The following CARD10 variants were observed in gnomAD, a reference collection of about 807,000 sequenced individuals.
The protein encoded by CARD10 is caspase recruitment domain-containing protein 10.
A neutral mutation model predicts 114.6 loss-of-function variants in CARD10; 49 were observed. The observed-to-expected ratio is 0.43, with a 90% CI of 0.34 to 0.54. The LOEUF is 0.54. Ranked by LOEUF, CARD10 falls within the 20% of genes least tolerant of loss-of-function variation. The pLI, the probability that CARD10 is intolerant of heterozygous loss-of-function variation, is 0.03. For synonymous variants in CARD10, 602 were observed against 593.2 expected, an observed-to-expected ratio of 1.01 and a Z score of -0.21; for missense variants, 1,206 against 1,397.2, an observed-to-expected ratio of 0.86 and a Z score of 2.18.
intron 2 of CARD10, among the ~76,000 whole-genome samples, chr22:37,517,317 G>A (rs1476480543): frequency 6.6e-6 from 1 of 151,884 alleles, no homozygotes; most frequent in African/African-American, 2.4e-5. Context: ...GCGTGTGTGC[G>A]TGTGTGTATG....
At chr22:37,507,758 T>C (rs1272620308) in intron 6 of CARD10, 71 bp downstream of exon 6, 8 of 1,588,162 alleles carry the variant, frequency 5.0e-6, no homozygotes, top group East Asian at 2.2e-5. Context: ...GTCCCCTCCA[T>C]TGCTCCTTGT....
At position 37,501,673 on chromosome 22, in the gene CARD10, T is replaced by C. The variant is rs1255117012; in HGVS notation, c.1787+929A>G. Among the ~76,000 whole-genome samples, 1 of 152,212 alleles carries C rather than the reference T, an allele frequency of 6.6e-6. No individual in the cohort carries two copies. The highest frequency in any genetic ancestry group is 1.5e-5 in the Non-Finnish European group (1 of 68,036). The stretch of plus-strand genomic sequence containing the variant: ...GTCACTATGAACCCAGACCTGGTAC[T>C]TCCCAACTGTGGGACCCTGGGCAAG... On this transcript the variant is annotated intron_variant, in intron 11 of 19. Coordinates refer to ENST00000251973, the MANE Select transcript of CARD10 (RefSeq NM_014550.4). The surrounding 1 kb of genome is among the most constrained non-coding windows in gnomAD (Gnocchi z 5.4).
At chr22:37,504,134 A>T in intron 9 of CARD10, 52 bp downstream of exon 9, 2 of 1,326,848 alleles carry the variant, frequency 1.5e-6, no homozygotes, top group Non-Finnish European at 2.1e-6. Flanking sequence ...GCTGTTCGGG[A>T]AACGGCAGCC....
chr22:37,510,786 G>A (rs1384752968), intron 3 of CARD10, among the ~76,000 whole-genome samples: 1 of 152,180 alleles, frequency 6.6e-6, no homozygotes, highest in African/African-American at 2.4e-5. Flanking sequence ...GCATCAAGAA[G>A]AAGTGGGGCC....
At chr22:37,495,484 C>A (rs748043565) in intron 15 of CARD10, 33 bp downstream of exon 15, 7 of 1,576,808 alleles carry the variant, frequency 4.4e-6, no homozygotes, top group Non-Finnish European at 5.2e-6. Context: ...ACCCTTGGGG[C>A]CCCCCACCCA....
At position 37,510,331 on chromosome 22, in the gene CARD10, T is replaced by C. The variant is rs1923593569; in HGVS notation, c.790A>G (p.Lys264Glu). The C allele has an allele frequency of 4.7e-6, 7 of 1,473,868 alleles. No homozygotes were observed. Among genetic ancestry groups the C allele is most frequent in the Admixed American group, 1.8e-5 (1 of 56,292 alleles). The allele number at this position is 1,473,868 out of a possible 1,614,324, so 91.3% of individuals were successfully genotyped here. Residue 264 changes from lysine to glutamate, a missense_variant, in exon 4 of 20, where the codon AAG becomes GAG. Physicochemically the swap from Lys to Glu is moderately conservative, Grantham distance 56 (BLOSUM62 1). Coordinates refer to ENST00000251973, the MANE Select transcript of CARD10 (RefSeq NM_014550.4). ...ARGPPPGAEE[K>E]EKEKEKEKEP... The stretch of plus-strand genomic sequence containing the variant: ...TTCTCCTTCTCCTTCTCCTTCTCCT[T>C]CTCCTCTGCCCCAGGGGGCGGGCCC...
chr22:37,496,389 G>T lies in CARD10; in HGVS notation c.2059+60C>A. On this transcript the variant is annotated intron_variant, in intron 13 of 19. Transcript: ENST00000251973. The surrounding 1 kb of genome is among the most constrained non-coding windows in gnomAD (Gnocchi z 4.1). ...GGTCCTTGGTCCCTCCCCACCCCAT[G>T]CACCACGGGTTAGAGGACCCCTCTG... 1 of 1,253,982 alleles carries T rather than the reference G, an allele frequency of 8.0e-7. No individual in the cohort carries two copies. Among genetic ancestry groups the T allele is most frequent in the Non-Finnish European group, 1.1e-6 (1 of 872,664 alleles). 77.7% of individuals were successfully genotyped at this position (1,253,982 alleles called of 1,614,324 possible).
Position 37,495,561 on chromosome 22 carries a change from C to T in CARD10, c.2329G>A (p.Glu777Lys). Residue 777 changes from glutamate (E) to lysine (K), a missense_variant, in exon 15 of 20, where the codon GAG (glutamate) becomes AAG (lysine). Transcript: ENST00000251973. Reference sequence around the variant, plus strand: ...TGCCGGCTGGAGGGCAGGCATTTCTCCTGAACTTCTAGGAGCTGCTGGGCT... The same window carrying T: ...TGCCGGCTGGAGGGCAGGCATTTCTTCTGAACTTCTAGGAGCTGCTGGGCT... ...QRAQQLLEVQ[E>K]KCLPSSRHRG... 6.2e-7 allele frequency: 1 copy of T among 1,613,512 alleles called. No individual in the cohort carries two copies. Among genetic ancestry groups the T allele is most frequent in the South Asian group, 1.1e-5 (1 of 90,878 alleles).
In CARD10 at chr22:37,496,020, C is replaced by T; in HGVS notation, c.2060-17G>A. 2 of 1,611,620 alleles carry T rather than the reference C, an allele frequency of 1.2e-6. No homozygotes were observed. Among genetic ancestry groups the T allele is most frequent in the South Asian group, 1.1e-5 (1 of 91,016 alleles). On this transcript the variant is annotated splice_polypyrimidine_tract_variant and intron_variant, in intron 13 of 19. Transcript: ENST00000251973. This position sits in a 1 kb window ranked among gnomAD's most constrained non-coding sequence, Gnocchi z 4.1. The stretch of plus-strand genomic sequence containing the variant: ...ACTGGCAGGCTGGGCATGGATGGGG[C>T]AGGGGGCAGCAAGGAGGACAAGAGG...
intron 2 of CARD10, among the ~76,000 whole-genome samples, chr22:37,516,619 TA>T (rs1177656620): frequency 6.6e-6 from 1 of 152,100 alleles, no homozygotes; most frequent in Non-Finnish European, 1.5e-5. Context: ...TACAAATCAA[TA>T]AGATCAACAA....
At chr22:37,509,170 T>C in intron 4 of CARD10, 1 of 1,442,514 alleles carries the variant, frequency 6.9e-7, no homozygotes, top group South Asian at 1.5e-5. Context: ...TGAAACACAC[T>C]GGCTCTCATC....
At position 37,492,232 on chromosome 22, in the gene CARD10, C is replaced by T. The variant is rs56372216; in HGVS notation, c.2751+203G>A. On this transcript the variant is annotated intron_variant, in intron 18 of 19. Coordinates refer to ENST00000251973, the MANE Select transcript of CARD10 (RefSeq NM_014550.4). This position sits in a 1 kb window ranked among gnomAD's most constrained non-coding sequence, Gnocchi z 5.7. The stretch of plus-strand genomic sequence containing the variant: ...TCAGCCAAACACCTCAAGGGGGGCC[C>T]ACATGCAGTCAACTGCCCCCACCCA... Among the ~76,000 whole-genome samples the T allele has an allele frequency of 0.079, 11,954 of 152,154 alleles. 555 individuals carry two copies. The highest frequency in any genetic ancestry group is 0.13 in the African/African-American group (5,496 of 41,540).
rs1922764226 is a variant in CARD10, at chr22:37,491,301, C to A, written c.2957G>T (p.Trp986Leu). 1.3e-6 allele frequency: 2 copies of A among 1,567,520 alleles called. No individual in the cohort carries two copies. Among genetic ancestry groups the A allele is most frequent in the African/African-American group, 1.3e-5 (1 of 74,234 alleles). Reference protein sequence around the residue: ...EQVLWGLPCSWVQVPAHEWGH... With the variant: ...EQVLWGLPCSLVQVPAHEWGH... ...CCACTCATGGGCGGGCACCTGCACC[C>A]AGGAGCAGGGCAGCCCCCAGAGCAC... The change falls in exon 20 of 20, where the codon TGG becomes TTG. Residue 986 changes from tryptophan to leucine, a missense_variant. Coordinates refer to ENST00000251973, the MANE Select transcript of CARD10 (RefSeq NM_014550.4).
In CARD10 at chr22:37,492,946, T is replaced by C; in HGVS notation, c.2477-144A>G. 3.7e-6 allele frequency: 3 copies of C among 802,942 alleles called. No individual in the cohort carries two copies. The highest frequency in any genetic ancestry group is 5.8e-6 in the Non-Finnish European group (3 of 519,118). 49.7% of individuals were successfully genotyped at this position (802,942 alleles called of 1,614,324 possible). The stretch of plus-strand genomic sequence containing the variant: ...CTACACATGCACACACACACACCCT[T>C]AGTAGGACCGACGGTGGCAGTAGGC... On this transcript the variant is annotated intron_variant, in intron 16 of 19. Transcript: ENST00000251973. The surrounding 1 kb of genome is among the most constrained non-coding windows in gnomAD (Gnocchi z 5.7).
At chr22:37,516,813 A>G (rs915909409) in intron 2 of CARD10, among the ~76,000 whole-genome samples, 5 of 152,362 alleles carry the variant, frequency 3.3e-5, no homozygotes, top group Admixed American at 3.3e-4. Context: ...GGTAGGTACT[A>G]TTATTGTACC....
intron 15 of CARD10, chr22:37,494,435 G>C (rs1922921471): frequency 1.8e-6 from 1 of 566,564 alleles, no homozygotes. Flanking sequence ...GCCCGTCTGA[G>C]CCTGGTGGAG....
chr22:37,516,054 G>T lies in CARD10; in HGVS notation c.618C>A (p.Asn206Lys). 6.2e-7 allele frequency: 1 copy of T among 1,602,700 alleles called. No individual in the cohort carries two copies. Among genetic ancestry groups the T allele is most frequent in the Non-Finnish European group, 8.5e-7 (1 of 1,175,344 alleles). ...GTGCCAGGCGCATGGCGATCATGTA[G>T]TTCTCATCCTTGAGCCGCAGCAGCT... ...SLELLRLKDE[N>K]YMIAMRLAQL... The change falls in exon 3 of 20, where the codon AAC (asparagine) becomes AAA (lysine). Residue 206 changes from asparagine (N) to lysine (K), a missense_variant. By Grantham distance (94) the Asn-to-Lys change is moderately conservative. Around this residue, in one of 2 missense-constraint regions of CARD10, gnomAD observed 1,068 missense variants for 1,179.1 expected, o/e 0.91. Transcript: ENST00000251973.
At chr22:37,500,493 C>T (rs1036553553) in intron 11 of CARD10, among the ~76,000 whole-genome samples, 1 of 152,182 alleles carries the variant, frequency 6.6e-6, no homozygotes, top group African/African-American at 2.4e-5. Flanking sequence ...CCCAGCCCCC[C>T]ACTATCCACC....
intron 4 of CARD10, 33 bp downstream of exon 4, chr22:37,510,179 C>T (rs540292606): frequency 1.1e-5 from 18 of 1,584,462 alleles, no homozygotes; most frequent in Non-Finnish European, 1.5e-5. Context: ...TGACCACCCC[C>T]CAGCCTGTGC....
Sources: allele counts gnomAD v4.1 joint callset (sites outside exome capture counted in the v4.1 genomes callset), GRCh38; gene constraint gnomAD v4.1.1; regional missense constraint gnomAD v4.1.1; non-coding constraint Gnocchi (gnomAD v3.1); transcripts MANE v1.5; gene names NCBI Gene and HGNC (gene_info 2026-07-23, HGNC 2026-07-21).